KCNQ1: variants seen among roughly 807,000 people sequenced by gnomAD.
The protein encoded by KCNQ1 is potassium voltage-gated channel subfamily KQT member 1.
A neutral mutation model predicts 72.4 loss-of-function variants in KCNQ1; 49 were observed. The ratio of observed to expected loss-of-function variants is 0.68; its 90% confidence interval spans 0.54 to 0.86. The LOEUF is 0.86. Ranked by LOEUF, KCNQ1 falls within the 40% of genes least tolerant of loss-of-function variation. The pLI is 0.00. For missense variants in KCNQ1, 790 were observed against 945.1 expected (o/e 0.84, Z 2.15); for synonymous variants, 450 against 412.6 (o/e 1.09, Z -1.10).
In KCNQ1 at chr11:2,651,514, A is replaced by T. The variant is rs1257420201; in HGVS notation, c.1394-10447A>T. 1 of 398,548 alleles carries T rather than the reference A, an allele frequency of 2.5e-6. No homozygotes were observed. Among genetic ancestry groups the T allele is most frequent in the Admixed American group, 4.4e-5 (1 of 22,720 alleles). 24.7% of individuals were successfully genotyped at this position (398,548 alleles called of 1,614,324 possible). ...AGAAGCTGTCAGTGTGAAGAACGTG[A>T]ATGCTAAGGGCATATGAGTGTGTCC... On this transcript the variant is annotated intron_variant, in intron 10 of 15. Coordinates refer to ENST00000155840, the MANE Select transcript of KCNQ1 (RefSeq NM_000218.3). This position sits in a 1 kb window ranked among gnomAD's most constrained non-coding sequence, Gnocchi z 6.1.
intron 10 of KCNQ1, among the ~76,000 whole-genome samples, chr11:2,589,076 G>T (rs573144121): frequency 6.6e-6 from 1 of 152,306 alleles, no homozygotes; most frequent in East Asian, 1.9e-4. Context: ...TGTTGCGAGA[G>T]GAAGCCTGGG....
chr11:2,688,387 T>C, intron 11 of KCNQ1: 1 of 398,738 alleles, frequency 2.5e-6, no homozygotes. Flanking sequence ...TTTCAATAAC[T>C]GCCATCCTTT....
At chr11:2,539,553 C>T (rs1197080422) in intron 2 of KCNQ1, among the ~76,000 whole-genome samples, 2 of 152,136 alleles carry the variant, frequency 1.3e-5, no homozygotes, top group African/African-American at 4.8e-5. Context: ...CTGTGCTGGC[C>T]GAAGGGAACA....
At chr11:2,523,298 A>G (rs1847424855) in intron 1 of KCNQ1, among the ~76,000 whole-genome samples, 1 of 151,766 alleles carries the variant, frequency 6.6e-6, no homozygotes, top group Non-Finnish European at 1.5e-5. Context: ...GGTTCAAGCA[A>G]TCCCCCTGCC....
Position 2,658,328 on chromosome 11 carries a change from A to C in KCNQ1, c.1394-3633A>C, listed in dbSNP as rs892540167. ...TAAGGAAGATTTGTCCCTCTCCTCC[A>C]ATTGTTTATTTAATTTTATCAGTGT... On this transcript the variant is annotated intron_variant, in intron 10 of 15. Transcript: ENST00000155840. This position sits in a 1 kb window ranked among gnomAD's most constrained non-coding sequence, Gnocchi z 4.9. 27 of 398,292 alleles carry C rather than the reference A, an allele frequency of 6.8e-5. No individual in the cohort carries two copies. Among genetic ancestry groups the C allele is most frequent in the African/African-American group, 5.6e-4 (27 of 48,540 alleles). 24.7% of individuals were successfully genotyped at this position (398,292 alleles called of 1,614,324 possible).
rs17221854 is a variant in KCNQ1, at chr11:2,777,990, C to T, written c.1747C>T (p.Arg583Cys). ...FISVSEKSKD[R>C]GSNTIGARLN... is the part of the protein sequence containing the mutation. ...ATCCCCCATAGAAAAGAGCAAGGAT[C>T]GCGGCAGCAACACGATCGGCGCCCG... The change falls in exon 15 of 16, where the codon CGC becomes TGC. Residue 583 changes from arginine (R) to cysteine (C), a missense_variant. Arg to Cys is a radical substitution (Grantham distance 180). Transcript: ENST00000155840. 2.0e-5 allele frequency: 32 copies of T among 1,613,808 alleles called. No homozygotes were observed. The highest frequency in any genetic ancestry group is 2.5e-5 in the Non-Finnish European group (29 of 1,180,008).
chr11:2,700,222 T>C (rs1221905934), intron 11 of KCNQ1, among the ~76,000 whole-genome samples: 2 of 151,978 alleles, frequency 1.3e-5, no homozygotes, highest in Admixed American at 6.5e-5. Flanking sequence ...CATGAGGCAC[T>C]GGCTGGGTGT....
chr11:2,548,017 G>A (rs543948766), intron 2 of KCNQ1, among the ~76,000 whole-genome samples: 271 of 152,304 alleles, frequency 1.8e-3, no homozygotes, highest in African/African-American at 6.3e-3. Context: ...AGGACCTGGC[G>A]TGTGAGGGCT....
At chr11:2,459,793 A>G (rs1336634605) in intron 1 of KCNQ1, among the ~76,000 whole-genome samples, 1 of 151,956 alleles carries the variant, frequency 6.6e-6, no homozygotes. Flanking sequence ...GAAATCAGGC[A>G]GGGATTCCCT....
At chr11:2,667,827 T>C in intron 11 of KCNQ1, 1 of 398,648 alleles carries the variant, frequency 2.5e-6, no homozygotes, top group Admixed American at 4.4e-5. Flanking sequence ...GGTGGTGGTG[T>C]TAAACTTTTA....
intron 10 of KCNQ1, chr11:2,631,524 C>T: frequency 2.5e-6 from 1 of 398,420 alleles, no homozygotes. Context: ...GCACACTGAA[C>T]TTCCTTAAAT....
chr11:2,842,822 G>C (rs1367245960), intron 15 of KCNQ1, among the ~76,000 whole-genome samples: 1 of 152,200 alleles, frequency 6.6e-6, no homozygotes, highest in East Asian at 1.9e-4. Flanking sequence ...ACCATGCTCT[G>C]TCCCTGGTGT....
intron 11 of KCNQ1, chr11:2,684,458 A>G: frequency 2.5e-6 from 1 of 398,654 alleles, no homozygotes; most frequent in Non-Finnish European, 4.4e-6. Context: ...TTTTGGCAAA[A>G]AGACTATGCT....
rs536601188 is a variant in KCNQ1 at position 2,828,536 on chromosome 11, G to A, written c.1795-19231G>A. 1.3e-5 allele frequency among the ~76,000 whole-genome samples: 2 copies of A among 152,228 alleles called. No individual in the cohort carries two copies. The highest frequency in any genetic ancestry group is 4.8e-5 in the African/African-American group (2 of 41,552). ...TAGACACCAAGCCCTGCAGGAAGAA[G>A]AGCCACCAAGAATGAGGCAGTTCCC... is the stretch of plus-strand genomic sequence containing the variant. On this transcript the variant is annotated intron_variant, in intron 15 of 15. Transcript: ENST00000155840. This position sits in a 1 kb window ranked among gnomAD's most constrained non-coding sequence, Gnocchi z 5.3.
At chr11:2,476,974 C>T (rs542540750) in intron 1 of KCNQ1, among the ~76,000 whole-genome samples, 1 of 152,378 alleles carries the variant, frequency 6.6e-6, no homozygotes, top group East Asian at 1.9e-4. Flanking sequence ...CAGGCATGAG[C>T]CACTGCACCC....
chr11:2,569,736 G>T (rs531430969), intron 2 of KCNQ1, among the ~76,000 whole-genome samples: 160 of 152,330 alleles, frequency 1.1e-3, no homozygotes, highest in African/African-American at 3.7e-3. Context: ...GTGTCACAAT[G>T]GGCTGCACTT....
intron 10 of KCNQ1, chr11:2,629,354 TTTTTA>T (rs1849314513): frequency 2.5e-6 from 1 of 398,398 alleles, no homozygotes; most frequent in South Asian, 1.3e-4. Flanking sequence ...ATTTCTCTAT[TTTTTA>T]TTTTATCTGT....
intron 1 of KCNQ1, among the ~76,000 whole-genome samples, chr11:2,512,294 CT>C (rs1196694560): frequency 6.6e-6 from 1 of 152,242 alleles, no homozygotes; most frequent in Non-Finnish European, 1.5e-5. Flanking sequence ...CAGGCTGCCC[CT>C]GCCTCTGCAT....
chr11:2,726,494 A>G (rs1385027930), intron 11 of KCNQ1, among the ~76,000 whole-genome samples: 1 of 151,838 alleles, frequency 6.6e-6, no homozygotes, highest in African/African-American at 2.4e-5. Context: ...CGGAGACACC[A>G]CCCACTGCAG....
Sources: allele counts gnomAD v4.1 joint callset (sites outside exome capture counted in the v4.1 genomes callset), GRCh38; gene constraint gnomAD v4.1.1; non-coding constraint Gnocchi (gnomAD v3.1); transcripts MANE v1.5; gene names NCBI Gene and HGNC (gene_info 2026-07-23, HGNC 2026-07-21).